The following GRID2 variants were observed in gnomAD, a reference collection of about 807,000 sequenced individuals.
GRID2 encodes the protein glutamate ionotropic receptor delta type subunit 2, also known as glutamate receptor ionotropic, delta-2.
A neutral mutation model predicts 114.8 loss-of-function variants in GRID2; 33 were observed. The observed-to-expected ratio is 0.29, with a 90% CI of 0.22 to 0.38. The LOEUF (loss-of-function observed/expected upper bound fraction) is 0.38, where lower values mean the gene tolerates loss of function less well. Ranked by LOEUF, GRID2 falls within the 10% of genes least tolerant of loss-of-function variation. The probability of loss-of-function intolerance (pLI) is 1.00; values close to 1 mark genes in which losing one functional copy is unlikely to be tolerated. For missense variants in GRID2, 1,184 were observed against 1,257.7 expected, an observed-to-expected ratio of 0.94 and a Z score of 0.89; for synonymous variants, 505 against 449.9, an observed-to-expected ratio of 1.12 and a Z score of -1.55.
intron 12 of GRID2, among the ~76,000 whole-genome samples, chr4:93,511,777 TTC>T (rs201674105): frequency 2.0e-5 from 3 of 151,034 alleles, no homozygotes; most frequent in African/African-American, 7.4e-5. Context: ...CCATTCCTTC[TTC>T]TTTTTTTTTT....
At chr4:92,895,723 CATT>C (rs201953173) in intron 2 of GRID2, among the ~76,000 whole-genome samples, 2,926 of 152,178 alleles carry the variant, frequency 0.019, 31 homozygotes, top group Non-Finnish European at 0.03. Context: ...CTGTGCCAGA[CATT>C]ATACCAGGCA....
Position 93,725,802 on chromosome 4 carries a change from T to A in GRID2, c.2361-43408T>A, listed in dbSNP as rs529186882. Among the ~76,000 whole-genome samples the A allele has an allele frequency of 1.1e-4, 17 of 152,310 alleles. No individual in the cohort carries two copies. In the East Asian group the frequency reaches 3.3e-3, roughly 29 times the overall value. On this transcript the variant is annotated intron_variant, in intron 14 of 15. Transcript: ENST00000282020. ...TCTTCTTTTGAGAAGTGTCTGTTCA[T>A]GTCCTTCGCCCACTTGTTGATGGGG...
intron 8 of GRID2, among the ~76,000 whole-genome samples, chr4:93,342,186 C>T (rs1250949008): frequency 6.6e-6 from 1 of 152,192 alleles, no homozygotes; most frequent in Non-Finnish European, 1.5e-5. Context: ...ACCTGTAAGT[C>T]CATGTAAGTC....
intron 11 of GRID2, among the ~76,000 whole-genome samples, chr4:93,474,957 C>T (rs1486227996): frequency 2.6e-5 from 4 of 152,076 alleles, no homozygotes; most frequent in Non-Finnish European, 4.4e-5. Flanking sequence ...GCTTTGTAAC[C>T]TCCTACTCTC....
chr4:93,381,055 A>T (rs577733099), intron 8 of GRID2, among the ~76,000 whole-genome samples: 2 of 152,082 alleles, frequency 1.3e-5, no homozygotes, highest in Non-Finnish European at 1.5e-5. Flanking sequence ...CTTTAAAAAA[A>T]ATTTTATTGT....
chr4:92,634,616 AT>A (rs1290015574), intron 2 of GRID2, among the ~76,000 whole-genome samples: 1 of 152,122 alleles, frequency 6.6e-6, no homozygotes, highest in Non-Finnish European at 1.5e-5. Context: ...ATAAATACCA[AT>A]TTTTGAAGAT....
intron 1 of GRID2, among the ~76,000 whole-genome samples, chr4:93,799,662 T>C (rs1248979268): frequency 1.3e-5 from 2 of 152,226 alleles, no homozygotes; most frequent in African/African-American, 4.8e-5. Context: ...GGTTATCTGG[T>C]ATATTTAATC....
intron 2 of GRID2, among the ~76,000 whole-genome samples, chr4:92,607,936 C>T (rs1729537128): frequency 6.6e-6 from 1 of 151,666 alleles, no homozygotes; most frequent in Non-Finnish European, 1.5e-5. Flanking sequence ...AAACAAAATA[C>T]AAAGTTCAGT....
chr4:93,758,020 A>G (rs1290321837), intron 14 of GRID2, among the ~76,000 whole-genome samples: 1 of 152,206 alleles, frequency 6.6e-6, no homozygotes, highest in Non-Finnish European at 1.5e-5. Context: ...TCATGATGGA[A>G]AGAAGTTTGC....
At chr4:92,540,378 A>G (rs1725874470) in intron 1 of GRID2, among the ~76,000 whole-genome samples, 1 of 152,208 alleles carries the variant, frequency 6.6e-6, no homozygotes, top group African/African-American at 2.4e-5. Context: ...ATTGGGAGAA[A>G]ATTTTTGCAA....
chr4:93,463,652 T>A (rs1723964013), intron 11 of GRID2, among the ~76,000 whole-genome samples: 1 of 152,162 alleles, frequency 6.6e-6, no homozygotes, highest in South Asian at 2.1e-4. Flanking sequence ...AATTGAAGGG[T>A]GATTTTGAGA....
At position 92,361,335 on chromosome 4, in the gene GRID2, T is replaced by C. The variant is rs180721394; in HGVS notation, c.88+56591T>C. ...TCTGAAATTAAAAATAATAGTTCAA[T>C]TAAATAACTCTACGTGAAGACAGTG... On this transcript the variant is annotated intron_variant, in intron 1 of 15. Transcript: ENST00000282020. Among the ~76,000 whole-genome samples the C allele has an allele frequency of 2.4e-3, 372 of 152,146 alleles. 7 individuals carry two copies. In the Middle Eastern group the frequency reaches 0.027, roughly 11 times the overall value.
chr4:92,403,935 G>A (rs1034707767), intron 1 of GRID2, among the ~76,000 whole-genome samples: 26 of 151,876 alleles, frequency 1.7e-4, no homozygotes, highest in African/African-American at 6.0e-4. Flanking sequence ...TGTCTTATGT[G>A]GGCATAGTTC....
At chr4:93,185,587 C>T (rs1231972374) in intron 4 of GRID2, among the ~76,000 whole-genome samples, 2 of 151,986 alleles carry the variant, frequency 1.3e-5, no homozygotes, top group Non-Finnish European at 2.9e-5. Context: ...CTTTATATAT[C>T]TCTTAAAAAA....
chr4:93,707,176 T>A (rs1399875505), intron 14 of GRID2, among the ~76,000 whole-genome samples: 3 of 152,112 alleles, frequency 2.0e-5, no homozygotes, highest in Non-Finnish European at 4.4e-5. Context: ...CTTTTTGTTG[T>A]GTCTTTGTCT....
intron 2 of GRID2, among the ~76,000 whole-genome samples, chr4:92,940,072 A>G (rs376053561): frequency 6.1e-5 from 9 of 146,578 alleles, no homozygotes; most frequent in African/African-American, 2.2e-4. Flanking sequence ...TCCATATGAA[A>G]TTTAAAGTAG....
At chr4:92,336,964 T>TG (rs1338101029) in intron 1 of GRID2, among the ~76,000 whole-genome samples, 30 of 149,204 alleles carry the variant, frequency 2.0e-4, no homozygotes, top group Non-Finnish European at 3.7e-4. Flanking sequence ...GTTTTTTTTT[T>TG]TTTTTTTTTT....
intron 2 of GRID2, among the ~76,000 whole-genome samples, chr4:92,761,143 T>C (rs1737991597): frequency 6.6e-6 from 1 of 152,176 alleles, no homozygotes; most frequent in Non-Finnish European, 1.5e-5. Flanking sequence ...TTTTCTGGGA[T>C]TGACTTTCTG....
At chr4:93,676,667 A>G (rs1373178037) in intron 14 of GRID2, among the ~76,000 whole-genome samples, 2 of 151,802 alleles carry the variant, frequency 1.3e-5, no homozygotes, top group Non-Finnish European at 1.5e-5. Flanking sequence ...TCATTGTTCA[A>G]TTCCCACCTA....
Sources: gnomAD v4.1 joint callset for allele counts (sites outside exome capture counted in the v4.1 genomes callset) on GRCh38, gnomAD v4.1.1 for gene constraint, MANE v1.5 for transcripts, NCBI Gene and HGNC (gene_info 2026-07-23, HGNC 2026-07-21) for gene names.